The following WWOX variants were observed in gnomAD, a reference collection of about 807,000 sequenced individuals.
WWOX encodes the protein WW domain-containing oxidoreductase.
In WWOX, 69 loss-of-function variants were observed where a neutral mutation model predicts 46.2. That is an observed-to-expected ratio of 1.49 (90% CI 1.23 to 1.82). The LOEUF (loss-of-function observed/expected upper bound fraction) is 1.82. WWOX is among the 40% of genes most tolerant of loss of function. WWOX has a pLI of 0.00. For missense variants in WWOX, 919 were observed against 542.6 expected (o/e 1.69, Z -6.89); for synonymous variants, 359 against 202.6 (o/e 1.77, Z -6.56).
intron 8 of WWOX, among the ~76,000 whole-genome samples, chr16:79,150,563 A>G (rs8053895): frequency 0.33 from 50,401 of 152,102 alleles, 9,002 homozygotes; most frequent in East Asian, 0.52. Flanking sequence ...GTCCAGCTGA[A>G]TGTTGCCACG....
At chr16:78,242,507 G>A (rs1057176009) in intron 5 of WWOX, among the ~76,000 whole-genome samples, 1 of 152,114 alleles carries the variant, frequency 6.6e-6, no homozygotes, top group Non-Finnish European at 1.5e-5. Context: ...AGTTTTCTTC[G>A]TGGTCTGACC....
intron 8 of WWOX, among the ~76,000 whole-genome samples, chr16:78,846,969 T>C (rs1018086993): frequency 2.0e-5 from 3 of 152,238 alleles, no homozygotes; most frequent in Non-Finnish European, 4.4e-5. Context: ...TATTGTGATA[T>C]ATTTTGGTGC....
At chr16:78,676,004 A>G (rs182551075) in intron 8 of WWOX, among the ~76,000 whole-genome samples, 15 of 152,210 alleles carry the variant, frequency 9.9e-5, no homozygotes, top group Admixed American at 8.5e-4. Flanking sequence ...GGGAAAGCAT[A>G]TGATCTAGTA....
intron 1 of WWOX, among the ~76,000 whole-genome samples, chr16:78,102,952 C>A (rs536135976): frequency 6.6e-6 from 1 of 152,288 alleles, no homozygotes; most frequent in South Asian, 2.1e-4. Context: ...TTCCTAAGCC[C>A]ACCTCTGCCT....
rs913308979 is a variant in WWOX, at chr16:78,830,832, G to T, written c.1057-380776G>T. 2.0e-5 allele frequency among the ~76,000 whole-genome samples: 3 copies of T among 151,996 alleles called. No individual in the cohort carries two copies. The East Asian group carries it at 5.9e-4, about 30-fold the overall frequency. ...CTTGCCACTGTAAATGACTATTTCT[G>T]TCGTTTGCAGAGTGTCCTTTTCTTT... On this transcript the variant is annotated intron_variant, in intron 8 of 8. Transcript: ENST00000566780.
At chr16:78,369,085 TAG>T (rs1042754619) in intron 5 of WWOX, among the ~76,000 whole-genome samples, 1 of 152,128 alleles carries the variant, frequency 6.6e-6, no homozygotes, top group African/African-American at 2.4e-5. Flanking sequence ...TATTCTTCTT[TAG>T]AGTTTGTTTT....
intron 8 of WWOX, among the ~76,000 whole-genome samples, chr16:78,603,558 G>T (rs748895207): frequency 1.1e-4 from 16 of 152,250 alleles, no homozygotes; most frequent in Non-Finnish European, 1.8e-4. Context: ...GCTGGGCGTG[G>T]TGGCAGCCAC....
At chr16:78,797,823 A>G (rs765156750) in intron 8 of WWOX, among the ~76,000 whole-genome samples, 1 of 152,140 alleles carries the variant, frequency 6.6e-6, no homozygotes, top group Admixed American at 6.5e-5. Context: ...CTCTGTCTCT[A>G]CAAAAAATAC....
intron 4 of WWOX, among the ~76,000 whole-genome samples, chr16:78,127,175 G>A (rs1185990531): frequency 6.6e-6 from 1 of 152,120 alleles, no homozygotes; most frequent in Non-Finnish European, 1.5e-5. Context: ...CCACCTCTGT[G>A]CAATATGGAC....
At chr16:79,160,010 A>T (rs1371670333) in intron 8 of WWOX, among the ~76,000 whole-genome samples, 1 of 152,150 alleles carries the variant, frequency 6.6e-6, no homozygotes, top group East Asian at 1.9e-4. Flanking sequence ...ACCCGTCATT[A>T]TTTCTGACTG....
chr16:78,578,900 T>A (rs954127217), intron 8 of WWOX, among the ~76,000 whole-genome samples: 1 of 152,214 alleles, frequency 6.6e-6, no homozygotes, highest in Non-Finnish European at 1.5e-5. Flanking sequence ...CAAACAAATA[T>A]TACCTGTAAT....
chr16:79,150,089 C>G (rs772762477), intron 8 of WWOX, among the ~76,000 whole-genome samples: 2 of 152,222 alleles, frequency 1.3e-5, no homozygotes, highest in Non-Finnish European at 2.9e-5. Flanking sequence ...GTTGAGAAGA[C>G]TCACAGATGT....
intron 8 of WWOX, among the ~76,000 whole-genome samples, chr16:79,083,224 A>G (rs559822687): frequency 6.6e-6 from 1 of 152,226 alleles, no homozygotes; most frequent in South Asian, 2.1e-4. Flanking sequence ...CTTTGACAAT[A>G]AGCATTGCCA....
intron 8 of WWOX, among the ~76,000 whole-genome samples, chr16:79,118,549 G>A (rs954134631): frequency 1.4e-4 from 21 of 152,170 alleles, no homozygotes; most frequent in Non-Finnish European, 2.2e-4. Context: ...CCTTCGATTT[G>A]TAAAAAACAC....
At chr16:79,114,574 C>T (rs1486585955) in intron 8 of WWOX, among the ~76,000 whole-genome samples, 3 of 151,918 alleles carry the variant, frequency 2.0e-5, no homozygotes, top group Non-Finnish European at 4.4e-5. Flanking sequence ...ATATGTTCTG[C>T]CCTAGAGCCT....
intron 8 of WWOX, among the ~76,000 whole-genome samples, chr16:78,637,102 C>T (rs948417516): frequency 3.9e-5 from 6 of 152,136 alleles, no homozygotes; most frequent in Non-Finnish European, 8.8e-5. Context: ...ATGCAATGCC[C>T]ATCACACTGC....
At chr16:78,173,857 AG>A (rs2035244544) in intron 5 of WWOX, among the ~76,000 whole-genome samples, 1 of 152,172 alleles carries the variant, frequency 6.6e-6, no homozygotes, top group South Asian at 2.1e-4. Context: ...GTCCGAGACG[AG>A]GGTGCCAACC....
intron 8 of WWOX, among the ~76,000 whole-genome samples, chr16:78,623,451 G>A (rs540838534): frequency 4.6e-5 from 7 of 152,180 alleles, no homozygotes; most frequent in South Asian, 2.1e-4. Flanking sequence ...AGACCAAGGC[G>A]GGCAGATCAC....
At chr16:78,466,132 T>C (rs1040979724) in intron 8 of WWOX, among the ~76,000 whole-genome samples, 1 of 151,994 alleles carries the variant, frequency 6.6e-6, no homozygotes, top group Non-Finnish European at 1.5e-5. Context: ...CCCAGGTTAA[T>C]GCCATTCTCC....
Sources: gnomAD v4.1 joint callset for allele counts (sites outside exome capture counted in the v4.1 genomes callset) on GRCh38, gnomAD v4.1.1 for gene constraint, MANE v1.5 for transcripts, NCBI Gene and HGNC (gene_info 2026-07-23, HGNC 2026-07-21) for gene names.